GABRG3: variants seen among roughly 807,000 people sequenced by gnomAD.
GABRG3 encodes the protein gamma-aminobutyric acid receptor subunit gamma-3.
GABRG3 carries 25 observed loss-of-function variants against 48.8 expected under a neutral mutation model. The observed-to-expected ratio is 0.51, with a 90% CI of 0.37 to 0.72. The LOEUF (loss-of-function observed/expected upper bound fraction) is 0.72, where lower values mean the gene tolerates loss of function less well. Among genes scored for constraint, GABRG3 ranks in the 30% least tolerant of loss-of-function variants. The probability of loss-of-function intolerance (pLI) is 0.00; values close to 1 mark genes in which losing one functional copy is unlikely to be tolerated. For missense variants in GABRG3, 394 were observed against 577.9 expected (o/e 0.68, Z 3.26); for synonymous variants, 227 against 217.6 (o/e 1.04, Z -0.38).
intron 2 of GABRG3, among the ~76,000 whole-genome samples, chr15:27,005,855 T>A (rs780885697): frequency 3.0e-4 from 45 of 152,160 alleles, no homozygotes; most frequent in Non-Finnish European, 5.6e-4. Context: ...ACCATGACAG[T>A]TTTTCCCTAA....
chr15:27,480,618 T>C, intron 5 of GABRG3, 32 bp from the exon 6 acceptor site: 1 of 1,551,470 alleles, frequency 6.4e-7, no homozygotes, highest in Non-Finnish European at 8.8e-7. Context: ...AATGTGTACC[T>C]TCAAGTGCTA....
chr15:27,316,910 G>A (rs944943940), intron 3 of GABRG3, among the ~76,000 whole-genome samples: 5 of 152,002 alleles, frequency 3.3e-5, no homozygotes, highest in Admixed American at 3.3e-4. Flanking sequence ...AAATTTTAGT[G>A]AGAGGAAGAT....
chr15:27,031,063 GAC>G (rs72485766), intron 3 of GABRG3, among the ~76,000 whole-genome samples: 23,522 of 149,722 alleles, frequency 0.16, 2,036 homozygotes, highest in South Asian at 0.2. Context: ...CACACACACA[GAC>G]ACACACACAC....
In GABRG3 at chr15:27,326,716, A is replaced by G. The variant is rs1595679282; in HGVS notation, c.271-93A>G. ...GAGAATTGGGGAGGTGAGGATGTCA[A>G]CATGGAGAGAACACAACGTTTGACA... On this transcript the variant is annotated intron_variant, in intron 3 of 9. Transcript: ENST00000615808. The G allele has an allele frequency of 2.0e-5, 20 of 1,011,652 alleles. No individual in the cohort carries two copies. The East Asian group carries it at 3.6e-4, about 18-fold the overall frequency. The allele number at this position is 1,011,652 out of a possible 1,614,324, so 62.7% of individuals were successfully genotyped here. A position where few individuals can be genotyped will look rare whatever the true frequency, so the allele number is the denominator to read the frequency against.
At chr15:26,985,181 G>A (rs974588773) in intron 2 of GABRG3, among the ~76,000 whole-genome samples, 1 of 152,210 alleles carries the variant, frequency 6.6e-6, no homozygotes, top group Non-Finnish European at 1.5e-5. Context: ...CTCTGCCAGG[G>A]CTGCCCACAC....
At chr15:27,519,631 C>T (rs1489517922) in intron 6 of GABRG3, among the ~76,000 whole-genome samples, 1 of 152,168 alleles carries the variant, frequency 6.6e-6, no homozygotes, top group African/African-American at 2.4e-5. Flanking sequence ...TTACCTGTTA[C>T]TCTTGAATTT....
chr15:27,440,011 G>A (rs1443092705), intron 5 of GABRG3, among the ~76,000 whole-genome samples: 3 of 152,122 alleles, frequency 2.0e-5, no homozygotes, highest in South Asian at 2.1e-4. Flanking sequence ...CCTGAATGGT[G>A]CACTTTGTGA....
chr15:27,532,799 T>A lies in GABRG3; in HGVS notation c.1322T>A (p.Leu441Gln). Residue 441 changes from leucine (L) to glutamine (Q), a missense_variant, in exon 10 of 10, where the codon CTG becomes CAG. Transcript: ENST00000615808. The stretch of plus-strand genomic sequence containing the variant: ...CGTATTCACATAGACATCTTGGAGC[T>A]GGACTCGTACTCCCGGGTCTTTTTC... Reference protein sequence around the residue: ...KGRIHIDILELDSYSRVFFPT... With the variant: ...KGRIHIDILEQDSYSRVFFPT... 6.2e-7 allele frequency: 1 copy of A among 1,614,022 alleles called. No individual in the cohort carries two copies. Among genetic ancestry groups the A allele is most frequent in the Non-Finnish European group, 8.5e-7 (1 of 1,179,878 alleles).
intron 2 of GABRG3, among the ~76,000 whole-genome samples, chr15:27,018,731 C>T (rs957877497): frequency 6.6e-6 from 1 of 152,184 alleles, no homozygotes; most frequent in Non-Finnish European, 1.5e-5. Flanking sequence ...ACTTTACCGT[C>T]TCAGGGCTTC....
intron 3 of GABRG3, among the ~76,000 whole-genome samples, chr15:27,205,296 G>A (rs1888816628): frequency 3.3e-5 from 5 of 151,588 alleles, no homozygotes; most frequent in Admixed American, 3.3e-4. Context: ...AAGTTTTTTT[G>A]TCTCTATTGA....
intron 3 of GABRG3, among the ~76,000 whole-genome samples, chr15:27,050,389 C>G (rs942055923): frequency 5.9e-5 from 9 of 152,182 alleles, no homozygotes; most frequent in Admixed American, 2.6e-4. Context: ...CTGTCCCTTT[C>G]TCGCAGGCAC....
chr15:27,019,051 G>C (rs1197985710), intron 2 of GABRG3, among the ~76,000 whole-genome samples: 1 of 122,846 alleles, frequency 8.1e-6, no homozygotes, highest in Non-Finnish European at 1.7e-5. Flanking sequence ...TTGTTCCCTA[G>C]AGTCTTTTTT....
intron 3 of GABRG3, among the ~76,000 whole-genome samples, chr15:27,168,849 A>G (rs572670630): frequency 3.1e-4 from 47 of 152,190 alleles, no homozygotes; most frequent in Non-Finnish European, 5.3e-4. Context: ...CCCAGTCCAT[A>G]TTATTCTGTC....
At chr15:27,053,663 A>G (rs2140713346) in intron 3 of GABRG3, among the ~76,000 whole-genome samples, 1 of 152,360 alleles carries the variant, frequency 6.6e-6, no homozygotes, top group East Asian at 1.9e-4. Flanking sequence ...CCAAAACGAC[A>G]TATGCACTTG....
chr15:27,336,169 A>G (rs1301090440), intron 5 of GABRG3, among the ~76,000 whole-genome samples: 1 of 151,514 alleles, frequency 6.6e-6, no homozygotes, highest in East Asian at 1.9e-4. Context: ...AGCCTGGGAA[A>G]CAAGAGCAAG....
intron 5 of GABRG3, among the ~76,000 whole-genome samples, chr15:27,380,811 G>A (rs1212317378): frequency 6.7e-6 from 1 of 148,304 alleles, no homozygotes; most frequent in Non-Finnish European, 1.5e-5. Context: ...TGTTGCCCAG[G>A]CTGGAGTGCA....
intron 3 of GABRG3, among the ~76,000 whole-genome samples, chr15:27,244,697 C>T (rs1005267675): frequency 2.4e-4 from 37 of 152,028 alleles, no homozygotes; most frequent in African/African-American, 8.5e-4. Context: ...GTGGGAGGAT[C>T]GCTTGAGCCC....
At chr15:27,033,996 A>G (rs1303831806) in intron 3 of GABRG3, among the ~76,000 whole-genome samples, 1 of 152,208 alleles carries the variant, frequency 6.6e-6, no homozygotes, top group Non-Finnish European at 1.5e-5. Flanking sequence ...GCAGAGAATC[A>G]TGCCAAACCC....
chr15:26,990,636 C>T (rs900010980), intron 2 of GABRG3, among the ~76,000 whole-genome samples: 4 of 150,942 alleles, frequency 2.7e-5, no homozygotes, highest in East Asian at 1.9e-4. Flanking sequence ...TTTAATGTGA[C>T]GTGATCTCAT....
Sources: gnomAD v4.1 joint callset for allele counts (sites outside exome capture counted in the v4.1 genomes callset) on GRCh38, gnomAD v4.1.1 for gene constraint, MANE v1.5 for transcripts, NCBI Gene and HGNC (gene_info 2026-07-23, HGNC 2026-07-21) for gene names.